The following RAP1GAP2 variants were observed in gnomAD, a reference collection of about 807,000 sequenced individuals.
RAP1GAP2 encodes RAP1 GTPase activating protein 2, also known as rap1 GTPase-activating protein 2.
In RAP1GAP2, 27 loss-of-function variants were observed where a neutral mutation model predicts 95.0. The ratio of observed to expected loss-of-function variants is 0.28; its 90% confidence interval spans 0.21 to 0.39. The LOEUF (loss-of-function observed/expected upper bound fraction) is 0.39, where lower values mean the gene tolerates loss of function less well. Ranked by LOEUF, RAP1GAP2 falls within the 10% of genes least tolerant of loss-of-function variation. RAP1GAP2 has a pLI of 1.00. For missense variants in RAP1GAP2, 771 were observed against 970.0 expected (o/e 0.79, Z 2.72); for synonymous variants, 373 against 380.9 (o/e 0.98, Z 0.24).
Position 2,889,889 on chromosome 17 carries a change from A to ATAT in RAP1GAP2, c.81-15394_81-15393insATT, listed in dbSNP as rs1408426152. Among the ~76,000 whole-genome samples, 189 of 57,296 alleles carry ATAT rather than the reference A, an allele frequency of 3.3e-3. 1 individual carries two copies. The highest frequency in any genetic ancestry group is 6.3e-3 in the African/African-American group (88 of 13,866). The allele number at this position is 57,296 out of a possible 152,430, so 37.6% of individuals were successfully genotyped here. A position where few individuals can be genotyped will look rare whatever the true frequency, so the allele number is the denominator to read the frequency against. On this transcript the variant is annotated intron_variant, in intron 2 of 24. Coordinates refer to ENST00000254695, the MANE Select transcript of RAP1GAP2 (RefSeq NM_015085.5). ...TATATATATATATATATATATATAT[A>ATAT]TTTTTTTTTTTTTTTGTAGAGATGG... is the stretch of plus-strand genomic sequence containing the variant.
chr17:2,766,025 C>T (rs1033174801), intron 1 of RAP1GAP2, among the ~76,000 whole-genome samples: 5 of 152,172 alleles, frequency 3.3e-5, no homozygotes, highest in African/African-American at 1.2e-4. Flanking sequence ...TTCCACCCAG[C>T]AGCCAGGATG....
intron 10 of RAP1GAP2, among the ~76,000 whole-genome samples, chr17:2,983,219 C>CTT (rs532758860): frequency 7.4e-5 from 11 of 148,880 alleles, no homozygotes; most frequent in East Asian, 2.0e-4. Flanking sequence ...TGAATCCCTC[C>CTT]TTTTTTTTTT....
intron 14 of RAP1GAP2, 79 bp downstream of exon 14, chr17:2,998,455 C>A: frequency 6.8e-7 from 1 of 1,466,592 alleles, no homozygotes; most frequent in Non-Finnish European, 9.4e-7. Context: ...TCAGAGGACA[C>A]TAGTCCTCAG....
rs182357776 is a variant in RAP1GAP2, at chr17:3,026,443, C to A, written c.1959C>A (p.Ala653=). 1.7e-4 allele frequency: 270 copies of A among 1,551,778 alleles called. 1 individual carries two copies. In the East Asian group the frequency reaches 6.2e-3, roughly 35 times the overall value. The part of the protein sequence containing the change: ...SVSSTAGEGE[A]MEEGDSGGSQ... ...GCAGCACTGCAGGGGAGGGCGAGGC[C>A]ATGGAGGAGGGCGACAGTGGGGTAG... Residue 653 remains alanine, a synonymous_variant, in exon 21 of 25, where the codon GCC becomes GCA. Transcript: ENST00000254695.
intron 10 of RAP1GAP2, among the ~76,000 whole-genome samples, chr17:2,981,615 C>A (rs931662359): frequency 1.3e-5 from 2 of 152,088 alleles, no homozygotes; most frequent in Admixed American, 1.3e-4. Context: ...CACAGAGGGG[C>A]GGGAAGTACA....
intron 10 of RAP1GAP2, among the ~76,000 whole-genome samples, chr17:2,984,261 T>C (rs2045474397): frequency 6.6e-6 from 1 of 152,128 alleles, no homozygotes; most frequent in Admixed American, 6.6e-5. Context: ...GGCAGGAGAC[T>C]TGCTTGAACC....
At chr17:2,788,238 A>ATG (rs1214529283) in intron 1 of RAP1GAP2, among the ~76,000 whole-genome samples, 1 of 151,812 alleles carries the variant, frequency 6.6e-6, no homozygotes, top group East Asian at 1.9e-4. Context: ...GTGTGTGTGT[A>ATG]TGTGTGTGTG....
At chr17:2,944,029 A>G (rs374564985) in intron 3 of RAP1GAP2, among the ~76,000 whole-genome samples, 12 of 152,178 alleles carry the variant, frequency 7.9e-5, no homozygotes, top group East Asian at 7.7e-4. Flanking sequence ...CGCCCCTGTA[A>G]TCCCAGCTAC....
At chr17:2,987,441 G>T (rs2045592748) in intron 11 of RAP1GAP2, among the ~76,000 whole-genome samples, 1 of 151,612 alleles carries the variant, frequency 6.6e-6, no homozygotes, top group African/African-American at 2.4e-5. Flanking sequence ...TCGGCTCATT[G>T]CAACCTCCGC....
At chr17:2,826,083 C>T (rs914244978) in intron 2 of RAP1GAP2, among the ~76,000 whole-genome samples, 35 of 148,034 alleles carry the variant, frequency 2.4e-4, no homozygotes, top group African/African-American at 8.2e-4. Flanking sequence ...CAGGTTCAAG[C>T]GATTCTGCTG....
intron 2 of RAP1GAP2, among the ~76,000 whole-genome samples, chr17:2,811,400 C>T (rs998542730): frequency 6.6e-6 from 1 of 152,174 alleles, no homozygotes; most frequent in Non-Finnish European, 1.5e-5. Context: ...AGGGGCTGCT[C>T]TTGTCGTCTG....
upstream of RAP1GAP2, among the ~76,000 whole-genome samples, chr17:2,773,728 T>G (rs1335286911): frequency 4.2e-5 from 1 of 24,062 alleles, no homozygotes; most frequent in Non-Finnish European, 7.4e-5. Flanking sequence ...GTAGACACTA[T>G]TTATTTATTT....
chr17:2,765,752 A>T (rs1421983590), intron 1 of RAP1GAP2, among the ~76,000 whole-genome samples: 2 of 151,636 alleles, frequency 1.3e-5, no homozygotes, highest in African/African-American at 4.9e-5. Context: ...CAAAAAAAAA[A>T]AAGAGTTTGA....
At chr17:2,775,805 C>T (rs116018924), upstream of RAP1GAP2, among the ~76,000 whole-genome samples, 256 of 152,256 alleles carry the variant, frequency 1.7e-3, no homozygotes, top group African/African-American at 5.8e-3. Flanking sequence ...GCTAGAGGAC[C>T]CTTCGTTCCT....
At chr17:2,856,769 C>T (rs1369360340) in intron 2 of RAP1GAP2, among the ~76,000 whole-genome samples, 2 of 152,202 alleles carry the variant, frequency 1.3e-5, no homozygotes, top group Non-Finnish European at 2.9e-5. Context: ...TAAGAGCCTG[C>T]AATGCAGGCA....
chr17:2,860,433 C>G (rs546687894), intron 2 of RAP1GAP2, among the ~76,000 whole-genome samples: 41 of 147,508 alleles, frequency 2.8e-4, no homozygotes, highest in African/African-American at 1.0e-3. Context: ...AGTTTAATTC[C>G]TCCTGAGCCA....
chr17:2,976,520 T>C (rs758932280), intron 8 of RAP1GAP2, among the ~76,000 whole-genome samples: 1 of 152,178 alleles, frequency 6.6e-6, no homozygotes, highest in Non-Finnish European at 1.5e-5. Flanking sequence ...ACAGTGAAGA[T>C]ACTGTGTATC....
intron 2 of RAP1GAP2, among the ~76,000 whole-genome samples, chr17:2,872,132 T>G (rs1342722300): frequency 6.9e-6 from 1 of 144,768 alleles, no homozygotes; most frequent in Non-Finnish European, 1.5e-5. Flanking sequence ...GAGAATCGCT[T>G]GAACCCAGAA....
At chr17:3,001,968 C>CT (rs71377566) in intron 14 of RAP1GAP2, among the ~76,000 whole-genome samples, 41,288 of 138,592 alleles carry the variant, frequency 0.3, 6,425 homozygotes, top group Middle Eastern at 0.42. Context: ...TCTTCTTCTC[C>CT]TTTTTTTTTT....
Sources: gnomAD v4.1 joint callset for allele counts (sites outside exome capture counted in the v4.1 genomes callset) on GRCh38, gnomAD v4.1.1 for gene constraint, MANE v1.5 for transcripts, NCBI Gene and HGNC (gene_info 2026-07-23, HGNC 2026-07-21) for gene names.